The following TLK1 variants were observed in gnomAD, a reference collection of about 807,000 sequenced individuals.
TLK1 encodes serine/threonine-protein kinase tousled-like 1.
TLK1 carries 24 observed loss-of-function variants against 105.3 expected under a neutral mutation model. The ratio of observed to expected loss-of-function variants is 0.23; its 90% confidence interval spans 0.17 to 0.32. The LOEUF is 0.32. TLK1 is among the 10% of genes least tolerant of loss of function. TLK1 has a pLI of 1.00. For synonymous variants in TLK1, 321 were observed against 310.4 expected (o/e 1.03, Z -0.36); for missense variants, 558 against 910.5 (o/e 0.61, Z 4.98).
intron 1 of TLK1, among the ~76,000 whole-genome samples, chr2:171,186,898 A>G (rs1693034632): frequency 6.6e-6 from 1 of 151,704 alleles, no homozygotes; most frequent in South Asian, 2.1e-4. Flanking sequence ...TCTCTACTAA[A>G]AATACAAAAA....
chr2:171,156,215 A>C (rs771095089), intron 1 of TLK1, among the ~76,000 whole-genome samples: 1 of 152,222 alleles, frequency 6.6e-6, no homozygotes, highest in Non-Finnish European at 1.5e-5. Context: ...CCAAAACATC[A>C]TAACAGACTG....
intron 1 of TLK1, among the ~76,000 whole-genome samples, chr2:171,128,173 G>A (rs1264263740): frequency 6.6e-6 from 1 of 152,086 alleles, no homozygotes; most frequent in Non-Finnish European, 1.5e-5. Context: ...AAGGAGATAT[G>A]GCTTGCATCA....
intron 1 of TLK1, among the ~76,000 whole-genome samples, chr2:171,222,780 T>C (rs996310090): frequency 1.3e-5 from 2 of 151,988 alleles, no homozygotes; most frequent in African/African-American, 2.4e-5. Context: ...CATTTTGAGA[T>C]ATACAATATA....
intron 2 of TLK1, among the ~76,000 whole-genome samples, chr2:171,092,175 G>C (rs893865629): frequency 6.6e-6 from 1 of 151,942 alleles, no homozygotes; most frequent in African/African-American, 2.4e-5. Context: ...ACTGATATTC[G>C]ATCAATAACT....
chr2:171,051,498 A>G (rs2555922), intron 8 of TLK1, among the ~76,000 whole-genome samples: 93,564 of 151,840 alleles, frequency 0.62, 29,721 homozygotes, highest in East Asian at 0.95. Context: ...TGCTTAGAAC[A>G]CAGATATAAT....
intron 20 of TLK1, among the ~76,000 whole-genome samples, chr2:170,996,246 G>A (rs948688960): frequency 1.3e-5 from 2 of 151,814 alleles, no homozygotes; most frequent in African/African-American, 2.4e-5. Flanking sequence ...TGATCTGCCC[G>A]CCTTGGCCTC....
At chr2:171,197,652 G>A (rs192950156) in intron 1 of TLK1, among the ~76,000 whole-genome samples, 115 of 152,214 alleles carry the variant, frequency 7.6e-4, no homozygotes, top group African/African-American at 2.4e-3. Flanking sequence ...GGTGGTGCAC[G>A]TTTGTAATCT....
At chr2:171,087,995 A>C (rs1003489081) in intron 2 of TLK1, among the ~76,000 whole-genome samples, 2 of 152,158 alleles carry the variant, frequency 1.3e-5, no homozygotes, top group African/African-American at 4.8e-5. Flanking sequence ...GAGATTCTAT[A>C]AGTCCCTCAG....
chr2:171,006,409 CTTAA>C (rs1684656631), intron 17 of TLK1, 61 bp downstream of exon 17: 2 of 1,499,206 alleles, frequency 1.3e-6, no homozygotes, highest in Non-Finnish European at 1.8e-6. Context: ...TTTCAGATAA[CTTAA>C]TGAATGACTT....
chr2:171,055,283 T>A, intron 6 of TLK1, 111 bp from the exon 7 acceptor site: 1 of 647,620 alleles, frequency 1.5e-6, no homozygotes, highest in Non-Finnish European at 2.5e-6. Flanking sequence ...GAAGTTTCTA[T>A]CAGAATAATA....
intron 1 of TLK1, among the ~76,000 whole-genome samples, chr2:171,213,515 T>TA (rs1693658075): frequency 4.0e-5 from 6 of 151,522 alleles, no homozygotes; most frequent in South Asian, 4.2e-4. Context: ...TATCTTTTTT[T>TA]TAAAAAAAAA....
chr2:171,216,760 C>T (rs1252402565), intron 1 of TLK1, among the ~76,000 whole-genome samples: 1 of 152,112 alleles, frequency 6.6e-6, no homozygotes, highest in Non-Finnish European at 1.5e-5. Flanking sequence ...TCTTAAAAGA[C>T]AGCCATGTAA....
intron 11 of TLK1, among the ~76,000 whole-genome samples, chr2:171,030,825 C>T (rs924258075): frequency 6.6e-6 from 1 of 151,942 alleles, no homozygotes; most frequent in Non-Finnish European, 1.5e-5. Context: ...TATCTTAAAC[C>T]AAAGTTAGTA....
chr2:171,190,801 A>G (rs1174284529), intron 1 of TLK1, among the ~76,000 whole-genome samples: 2 of 152,210 alleles, frequency 1.3e-5, no homozygotes, highest in African/African-American at 4.8e-5. Context: ...AATGGTATTT[A>G]TCAGTTTTTA....
At chr2:171,076,482 C>T (rs1395421043) in intron 3 of TLK1, among the ~76,000 whole-genome samples, 1 of 152,038 alleles carries the variant, frequency 6.6e-6, no homozygotes, top group Non-Finnish European at 1.5e-5. Context: ...TTATAAATTG[C>T]CCAGTCTGTG....
At chr2:171,157,360 C>T (rs989780694) in intron 1 of TLK1, among the ~76,000 whole-genome samples, 6 of 152,086 alleles carry the variant, frequency 3.9e-5, no homozygotes, top group African/African-American at 1.4e-4. Flanking sequence ...CTTTTTAACT[C>T]GTCACTCCCT....
At chr2:171,066,741 G>C in intron 3 of TLK1, 2 of 1,215,000 alleles carry the variant, frequency 1.6e-6, no homozygotes, top group Non-Finnish European at 2.3e-6. Flanking sequence ...CTATTTCCTG[G>C]CACTTTCCCT....
chr2:171,060,492 C>T (rs1041915307), intron 4 of TLK1, among the ~76,000 whole-genome samples: 4 of 152,164 alleles, frequency 2.6e-5, no homozygotes, highest in Admixed American at 6.5e-5. Flanking sequence ...TTGGCTCCAA[C>T]ACATGTAACA....
In TLK1 at chr2:171,173,633, C is replaced by T. The variant is rs575893080; in HGVS notation, c.-5-55776G>A. Reference sequence around the variant, plus strand: ...TCTCAAACTCCTGGGCTCAAGGCATCCTCCCCGCTCGGCTTCCCAAAGCCT... The same window carrying T: ...TCTCAAACTCCTGGGCTCAAGGCATTCTCCCCGCTCGGCTTCCCAAAGCCT... On this transcript the variant is annotated intron_variant, in intron 1 of 20. Transcript: ENST00000521943. 3.0e-3 allele frequency among the ~76,000 whole-genome samples: 461 copies of T among 152,222 alleles called. 2 individuals carry two copies. Among genetic ancestry groups the T allele is most frequent in the Middle Eastern group, 6.8e-3 (2 of 294 alleles).
Sources: allele counts gnomAD v4.1 joint callset (sites outside exome capture counted in the v4.1 genomes callset), GRCh38; gene constraint gnomAD v4.1.1; transcripts MANE v1.5; gene names NCBI Gene and HGNC (gene_info 2026-07-23, HGNC 2026-07-21).